Variants in HSDL2 observed in about 807,000 individuals in gnomAD.
The protein encoded by HSDL2 is hydroxysteroid dehydrogenase-like protein 2.
Under a neutral mutation model 46.3 loss-of-function variants are expected in HSDL2, and 27 were observed. The observed-to-expected ratio is 0.58, with a 90% CI of 0.43 to 0.80. The LOEUF (loss-of-function observed/expected upper bound fraction) is 0.80, where lower values mean the gene tolerates loss of function less well. HSDL2 is among the 30% of genes least tolerant of loss of function. The probability of loss-of-function intolerance (pLI) is 0.00; values close to 1 mark genes in which losing one functional copy is unlikely to be tolerated. For missense variants in HSDL2, 451 were observed against 502.7 expected, an observed-to-expected ratio of 0.90 and a Z score of 0.98; for synonymous variants, 153 against 163.6, an observed-to-expected ratio of 0.94 and a Z score of 0.50.
At chr9:112,390,249 T>G (rs1010432427) in intron 1 of HSDL2, among the ~76,000 whole-genome samples, 2 of 152,064 alleles carry the variant, frequency 1.3e-5, no homozygotes, top group South Asian at 4.1e-4. Context: ...TCATGTAGAT[T>G]AGTGGTACAG....
intron 1 of HSDL2, 23 bp from the exon 2 acceptor site, chr9:112,403,972 A>C (rs775231322): frequency 6.2e-7 from 1 of 1,601,818 alleles, no homozygotes; most frequent in Admixed American, 1.7e-5. Flanking sequence ...TCTTCTAATA[A>C]GGTCGTATTT....
chr9:112,471,828 G>T lies in HSDL2; in HGVS notation c.*1284G>T, dbSNP rs890033257. The T allele has an allele frequency of 2.6e-5, 4 of 152,172 alleles. No homozygotes were observed. Among genetic ancestry groups the T allele is most frequent in the African/African-American group, 9.7e-5 (4 of 41,450 alleles). The allele number at this position is 152,172 out of a possible 1,614,324, so 9.4% of individuals were successfully genotyped here. Reference sequence around the variant, plus strand: ...TCAATCAGTTAAAAATACTTGCTCAGTGTAACAATTTTGCTTCTCAGCTTC... The same window carrying T: ...TCAATCAGTTAAAAATACTTGCTCATTGTAACAATTTTGCTTCTCAGCTTC... On this transcript the variant is annotated 3_prime_UTR_variant, in exon 11 of 11. Coordinates refer to ENST00000398805, the MANE Select transcript of HSDL2 (RefSeq NM_032303.5).
intron 6 of HSDL2, among the ~76,000 whole-genome samples, chr9:112,423,402 C>T (rs2132649643): frequency 6.6e-6 from 1 of 152,188 alleles, no homozygotes; most frequent in South Asian, 2.1e-4. Flanking sequence ...AGAGCAGTGG[C>T]ATAATCTCGG....
chr9:112,381,619 G>T (rs1263998902), intron 1 of HSDL2, among the ~76,000 whole-genome samples: 1 of 152,114 alleles, frequency 6.6e-6, no homozygotes, highest in African/African-American at 2.4e-5. Context: ...CTCCCAAAGT[G>T]CTGGGATTAC....
At chr9:112,470,165 G>A (rs1587977149) in intron 10 of HSDL2, among the ~76,000 whole-genome samples, 2 of 152,148 alleles carry the variant, frequency 1.3e-5, no homozygotes, top group East Asian at 3.8e-4. Context: ...ATCCTTTAGT[G>A]TATAAAAATC....
intron 6 of HSDL2, among the ~76,000 whole-genome samples, chr9:112,422,513 A>C (rs1169839954): frequency 6.6e-6 from 1 of 152,210 alleles, no homozygotes; most frequent in Non-Finnish European, 1.5e-5. Context: ...TTGGATGTTG[A>C]GTAACACCTG....
In HSDL2 at chr9:112,429,461, G is replaced by A. The variant is rs76310738; in HGVS notation, c.599-8970G>A. Among the ~76,000 whole-genome samples, 592 of 152,194 alleles carry A rather than the reference G, an allele frequency of 3.9e-3. 29 individuals are homozygous for A. The East Asian group carries it at 0.1, about 26-fold the overall frequency. Reference sequence around the variant, plus strand: ...GCCCTTTCCTCTACTTCCCTAACCTGTAGGTCTTTGGGATCCTGGGGTAAC... The same window carrying A: ...GCCCTTTCCTCTACTTCCCTAACCTATAGGTCTTTGGGATCCTGGGGTAAC... On this transcript the variant is annotated intron_variant, in intron 6 of 10. Transcript: ENST00000398805.
At chr9:112,427,649 T>A (rs565582743) in intron 6 of HSDL2, among the ~76,000 whole-genome samples, 1 of 152,368 alleles carries the variant, frequency 6.6e-6, no homozygotes, top group East Asian at 1.9e-4. Context: ...CTCATTTTTT[T>A]TCTTGCCACT....
intron 3 of HSDL2, among the ~76,000 whole-genome samples, chr9:112,408,600 A>G (rs1469885341): frequency 6.6e-6 from 1 of 152,246 alleles, no homozygotes; most frequent in East Asian, 1.9e-4. Context: ...CCTAGGCTGT[A>G]TGGCATAGCC....
chr9:112,455,138 C>T (rs188313827), intron 9 of HSDL2, among the ~76,000 whole-genome samples: 48 of 152,214 alleles, frequency 3.2e-4, no homozygotes, highest in Admixed American at 4.6e-4. Context: ...GAGGCTGAGG[C>T]TGGAGGATCA....
chr9:112,457,079 C>T (rs1262124547), intron 9 of HSDL2, among the ~76,000 whole-genome samples: 8 of 151,584 alleles, frequency 5.3e-5, no homozygotes, highest in South Asian at 2.1e-4. Context: ...ACCCCGGAGG[C>T]GGAGGTTGCG....
intron 7 of HSDL2, among the ~76,000 whole-genome samples, chr9:112,441,029 A>T (rs56091581): frequency 0.53 from 78,072 of 146,330 alleles, 20,839 homozygotes; most frequent in South Asian, 0.62. Context: ...AAATAAATAA[A>T]TAATAAATAA....
rs527368107 is a variant in HSDL2, at chr9:112,409,917, CT to C, written c.395+898del. Reference sequence around the variant, plus strand: ...TCTCAAATATTTGCATGTGTAAATACTTACATGTATACTCTGTCTTTCATAG... The same window carrying C: ...TCTCAAATATTTGCATGTGTAAATACTACATGTATACTCTGTCTTTCATAG... On this transcript the variant is annotated intron_variant, in intron 4 of 10. Coordinates refer to ENST00000398805, the MANE Select transcript of HSDL2 (RefSeq NM_032303.5). Among the ~76,000 whole-genome samples, 26 of 151,434 alleles carry C rather than the reference CT, an allele frequency of 1.7e-4. No homozygotes were observed. In the South Asian group the frequency reaches 5.2e-3, roughly 30 times the overall value.
intron 1 of HSDL2, among the ~76,000 whole-genome samples, chr9:112,387,071 TAGAC>T (rs1398166268): frequency 6.6e-6 from 1 of 152,214 alleles, no homozygotes; most frequent in East Asian, 1.9e-4. Context: ...AGTTTGAACA[TAGAC>T]AGATATTGAG....
At chr9:112,449,506 C>G (rs752766667) in intron 8 of HSDL2, among the ~76,000 whole-genome samples, 1 of 152,126 alleles carries the variant, frequency 6.6e-6, no homozygotes, top group Non-Finnish European at 1.5e-5. Context: ...AATTCTACAG[C>G]TTTTCTCTTT....
chr9:112,426,433 G>T (rs184794830), intron 6 of HSDL2, among the ~76,000 whole-genome samples: 1 of 152,042 alleles, frequency 6.6e-6, no homozygotes, highest in East Asian at 1.9e-4. Context: ...ACAGGGTTTC[G>T]CCATTTTGGC....
intron 4 of HSDL2, among the ~76,000 whole-genome samples, chr9:112,411,257 C>A (rs141952706): frequency 5.3e-5 from 8 of 152,220 alleles, no homozygotes; most frequent in South Asian, 2.1e-4. Flanking sequence ...CCAAGAGGGC[C>A]GTATGTTCAA....
At chr9:112,461,715 G>T (rs1833215997) in intron 10 of HSDL2, among the ~76,000 whole-genome samples, 1 of 152,140 alleles carries the variant, frequency 6.6e-6, no homozygotes, top group South Asian at 2.1e-4. Context: ...TAAGCCCAAG[G>T]TCAGCTGATG....
rs2132577965 is a variant in HSDL2 at position 112,380,180 on chromosome 9, G to T, written c.17G>T (p.Gly6Val). The stretch of plus-strand genomic sequence containing the variant: ...ACGAAAGTCATGTTACCCAACACCG[G>T]GTAAGGGGGTAGGGGCGGCGCGGGG... MLPNT[G>V]RLAGCTVFIT... The change falls in exon 1 of 11, where the codon GGG becomes GTG. Residue 6 changes from glycine (G) to valine (V), a missense_variant and splice_region_variant. Gly to Val is a moderately radical substitution (Grantham distance 109). Transcript: ENST00000398805. The T allele has an allele frequency of 6.4e-7, 1 of 1,572,390 alleles. No homozygotes were observed. The highest frequency in any genetic ancestry group is 2.4e-5 in the East Asian group (1 of 42,552).
Sources: gnomAD v4.1 joint callset for allele counts (sites outside exome capture counted in the v4.1 genomes callset) on GRCh38, gnomAD v4.1.1 for gene constraint, MANE v1.5 for transcripts, NCBI Gene and HGNC (gene_info 2026-07-23, HGNC 2026-07-21) for gene names.